Variants in INAVA observed in about 807,000 individuals in gnomAD.
INAVA encodes the protein innate immunity activator protein.
In INAVA, 32 loss-of-function variants were observed where a neutral mutation model predicts 55.3. The observed-to-expected ratio is 0.58, with a 90% CI of 0.44 to 0.78. INAVA has a LOEUF of 0.78. INAVA is among the 30% of genes least tolerant of loss of function. The probability of loss-of-function intolerance (pLI) is 0.00; values close to 1 mark genes in which losing one functional copy is unlikely to be tolerated. For missense variants in INAVA, 756 were observed against 786.4 expected, an observed-to-expected ratio of 0.96 and a Z score of 0.46; for synonymous variants, 294 against 329.4, an observed-to-expected ratio of 0.89 and a Z score of 1.16.
chr1:200,899,619 A>G (rs751188115), intron 3 of INAVA, 22 bp downstream of exon 3: 3 of 1,610,084 alleles, frequency 1.9e-6, no homozygotes, highest in African/African-American at 1.3e-5. Context: ...GCCAGCACAC[A>G]CAAGCATCGG....
chr1:200,895,179 C>T (rs1571857392), intron 1 of INAVA, 92 bp downstream of exon 1: 4 of 934,438 alleles, frequency 4.3e-6, no homozygotes, highest in South Asian at 4.9e-5. Flanking sequence ...CACCCCCCTC[C>T]GACCCCCACC....
At chr1:200,906,870 G>C (rs1055037258) in intron 5 of INAVA, among the ~76,000 whole-genome samples, 3 of 152,134 alleles carry the variant, frequency 2.0e-5, no homozygotes, top group Non-Finnish European at 2.9e-5. Context: ...CTGTTGCCCA[G>C]GCTGGAGTGC....
At chr1:200,896,161 C>A (rs549586443) in intron 1 of INAVA, among the ~76,000 whole-genome samples, 2 of 152,226 alleles carry the variant, frequency 1.3e-5, no homozygotes, top group South Asian at 4.2e-4. Flanking sequence ...CTGAGTTGGC[C>A]CAACTTTCCA....
At position 200,898,705 on chromosome 1, in the gene INAVA, A is replaced by G. The variant is rs567559302; in HGVS notation, c.55+250A>G. 3.9e-5 allele frequency among the ~76,000 whole-genome samples: 6 copies of G among 152,332 alleles called. No individual in the cohort carries two copies. The East Asian group carries it at 1.2e-3, about 29-fold the overall frequency. On this transcript the variant is annotated intron_variant, in intron 2 of 9. Transcript: ENST00000413687. ...GCTTGGAGTTTTGGTTCTATCTGGAAGAGGGATCTGCAATGTTCAACTTTA... is the reference window on the plus strand; with the variant it reads ...GCTTGGAGTTTTGGTTCTATCTGGAGGAGGGATCTGCAATGTTCAACTTTA...
chr1:200,912,057 G>A lies in INAVA; in HGVS notation c.1564G>A (p.Asp522Asn). The A allele has an allele frequency of 3.2e-6, 5 of 1,547,320 alleles. No individual in the cohort carries two copies. In the Middle Eastern group the frequency reaches 5.0e-4, roughly 155 times the overall value. Reference sequence around the variant, plus strand: ...CCGGAGCACCCGCCCCCACTCACTGGACCGCCAAGGAGCTTTCCGGGTCAG... The same window carrying A: ...CCGGAGCACCCGCCCCCACTCACTGAACCGCCAAGGAGCTTTCCGGGTCAG... ...RLRSTRPHSL[D>N]RQGAFRVRSL... Residue 522 changes from aspartate to asparagine, a missense_variant, in exon 9 of 10, where the codon GAC (aspartate) becomes AAC (asparagine). This residue lies in a region of INAVA where 117 missense variants were observed against 162.1 expected (regional missense o/e 0.72). Transcript: ENST00000413687.
intron 5 of INAVA, among the ~76,000 whole-genome samples, chr1:200,905,659 T>C (rs1339426895): frequency 6.6e-6 from 1 of 152,234 alleles, no homozygotes; most frequent in Non-Finnish European, 1.5e-5. Context: ...TTATCACAAC[T>C]GTTCAACTCT....
At chr1:200,893,432 G>T (rs1197605272), upstream of INAVA, among the ~76,000 whole-genome samples, 1 of 152,208 alleles carries the variant, frequency 6.6e-6, no homozygotes, top group Non-Finnish European at 1.5e-5. Flanking sequence ...GCTGGAGATG[G>T]GCAAGGTGGA....
intron 3 of INAVA, among the ~76,000 whole-genome samples, chr1:200,899,876 G>A (rs1374682461): frequency 6.6e-6 from 1 of 152,244 alleles, no homozygotes; most frequent in East Asian, 1.9e-4. Flanking sequence ...GCTGTAACCC[G>A]GGTCGGTGTA....
In INAVA at chr1:200,910,969, G is replaced by GTC. The variant is rs201280435; in HGVS notation, c.960-484_960-483insTC. On this transcript the variant is annotated intron_variant, in intron 8 of 9. Transcript: ENST00000413687. ...ACCTGGCAGTGCCTACCGAACAGATGCTGTGGATGATCTGCCACTGGACAC... is the reference window on the plus strand; with the variant it reads ...ACCTGGCAGTGCCTACCGAACAGATGTCCTGTGGATGATCTGCCACTGGACAC... Among the ~76,000 whole-genome samples, 570 of 152,232 alleles carry GTC rather than the reference G, an allele frequency of 3.7e-3. 16 individuals carry two copies. Among genetic ancestry groups the GTC allele is most frequent in the East Asian group, 0.03 (157 of 5,180 alleles).
upstream of INAVA, chr1:200,891,646 A>G (rs1668241213): frequency 3.3e-6 from 5 of 1,515,794 alleles, no homozygotes; most frequent in Admixed American, 2.2e-5. Context: ...TGAAGCTGCG[A>G]GGCTGGAGTG....
upstream of INAVA, among the ~76,000 whole-genome samples, chr1:200,892,019 G>C (rs1303160757): frequency 1.3e-5 from 2 of 152,166 alleles, no homozygotes; most frequent in Admixed American, 6.5e-5. Flanking sequence ...GGGTGGACAG[G>C]ACAAAGGGGC....
intron 9 of INAVA, among the ~76,000 whole-genome samples, 153 bp downstream of exon 9, chr1:200,912,290 C>A (rs1486019974): frequency 7.2e-5 from 11 of 152,214 alleles, no homozygotes; most frequent in Non-Finnish European, 1.5e-4. Flanking sequence ...GCCAAAAAAT[C>A]ATTTCCTCTT....
At position 200,913,749 on chromosome 1, in the gene INAVA, A is replaced by T; in HGVS notation, c.*120A>T. On this transcript the variant is annotated 3_prime_UTR_variant, in exon 10 of 10. Coordinates refer to ENST00000413687, the MANE Select transcript of INAVA (RefSeq NM_001142569.3). ...CGCAGGCCGATGACCTGGAGCTGAG[A>T]CCTTTTATTATTTTTTTTTTACACG... is the stretch of plus-strand genomic sequence containing the variant. 2.8e-6 allele frequency: 2 copies of T among 714,190 alleles called. No homozygotes were observed. Among genetic ancestry groups the T allele is most frequent in the Non-Finnish European group, 4.6e-6 (2 of 430,330 alleles). The allele number at this position is 714,190 out of a possible 1,614,324, so 44.2% of individuals were successfully genotyped here. A position where few individuals can be genotyped will look rare whatever the true frequency, so the allele number is the denominator to read the frequency against.
intron 5 of INAVA, among the ~76,000 whole-genome samples, chr1:200,901,733 T>C (rs998494931): frequency 3.9e-5 from 6 of 152,166 alleles, no homozygotes; most frequent in Admixed American, 2.6e-4. Context: ...CCCTTAAGTA[T>C]CTACAACCAC....
In INAVA at chr1:200,898,372, T is replaced by C; in HGVS notation, c.-29T>C. On this transcript the variant is annotated 5_prime_UTR_variant, in exon 2 of 10. Coordinates refer to ENST00000413687, the MANE Select transcript of INAVA (RefSeq NM_001142569.3). The stretch of plus-strand genomic sequence containing the variant: ...TGGTCACGGTGTCCCCCCTCCCTGC[T>C]CTGTGCCCTCTCCTTCCAGAAATCC... 7.4e-6 allele frequency: 12 copies of C among 1,614,150 alleles called. No homozygotes were observed. Among genetic ancestry groups the C allele is most frequent in the Non-Finnish European group, 9.3e-6 (11 of 1,180,022 alleles).
upstream of INAVA, among the ~76,000 whole-genome samples, chr1:200,894,324 A>T (rs1295297029): frequency 6.6e-6 from 1 of 152,118 alleles, no homozygotes; most frequent in Non-Finnish European, 1.5e-5. Context: ...CCCTTGGGGG[A>T]CAATGTCTGG....
rs544793215 is a variant in INAVA at position 200,911,776 on chromosome 1, C to T, written c.1283C>T (p.Pro428Leu). The change falls in exon 9 of 10, where the codon CCG becomes CTG. Residue 428 changes from proline (P) to leucine (L), a missense_variant. By Grantham distance (98) the Pro-to-Leu change is moderately conservative. Around this residue, in one of 2 missense-constraint regions of INAVA, gnomAD observed 639 missense variants for 624.3 expected, o/e 1.02. Coordinates refer to ENST00000413687, the MANE Select transcript of INAVA (RefSeq NM_001142569.3). ...GCCCACCACCCCAAGCTACTGCTGCCGCCTGGCTATTTCCCGGCGGGGCGG... is the reference window on the plus strand; with the variant it reads ...GCCCACCACCCCAAGCTACTGCTGCTGCCTGGCTATTTCCCGGCGGGGCGG... ...LVAHHPKLLL[P>L]PGYFPAGRYV... The T allele has an allele frequency of 6.2e-6, 10 of 1,611,392 alleles. No individual in the cohort carries two copies. The African/African-American group carries it at 8.0e-5, about 13-fold the overall frequency.
At chr1:200,909,120 A>G (rs1038946183) in intron 7 of INAVA, 104 bp from the exon 8 acceptor site, 24 of 1,385,544 alleles carry the variant, frequency 1.7e-5, no homozygotes, top group Middle Eastern at 2.3e-4. Context: ...AGTTTGCCCT[A>G]CTAACTTTGG....
At chr1:200,896,857 C>T (rs917032865) in intron 1 of INAVA, among the ~76,000 whole-genome samples, 1 of 152,244 alleles carries the variant, frequency 6.6e-6, no homozygotes, top group African/African-American at 2.4e-5. Context: ...ACCTCCCCCA[C>T]CCTGCGGCCC....
Sources: gnomAD v4.1 joint callset for allele counts (sites outside exome capture counted in the v4.1 genomes callset) on GRCh38, gnomAD v4.1.1 for gene constraint, gnomAD v4.1.1 regional missense constraint, MANE v1.5 for transcripts, NCBI Gene and HGNC (gene_info 2026-07-23, HGNC 2026-07-21) for gene names.